CSMD3: variants seen among roughly 807,000 people sequenced by gnomAD.
CSMD3 encodes CUB and Sushi multiple domains 3.
In CSMD3, 177 loss-of-function variants were observed where a neutral mutation model predicts 435.2. The ratio of observed to expected loss-of-function variants is 0.41; its 90% CI spans 0.36 to 0.46. CSMD3 has a LOEUF of 0.46. Among genes scored for constraint, CSMD3 ranks in the 20% least tolerant of loss-of-function variants. The pLI, the probability that CSMD3 is intolerant of heterozygous loss-of-function variation, is 0.34. For missense variants in CSMD3, 4,265 were observed against 4,504.6 expected (o/e 0.95, Z 1.52); for synonymous variants, 1,656 against 1,520.5 (o/e 1.09, Z -2.07).
At chr8:113,272,714 A>G (rs930022908) in intron 3 of CSMD3, among the ~76,000 whole-genome samples, 11 of 152,194 alleles carry the variant, frequency 7.2e-5, no homozygotes, top group South Asian at 2.1e-4. Context: ...AACCTATTCA[A>G]TTACATCTAA....
At chr8:113,365,991 T>C (rs368960768) in intron 1 of CSMD3, among the ~76,000 whole-genome samples, 3 of 152,170 alleles carry the variant, frequency 2.0e-5, no homozygotes, top group East Asian at 3.9e-4. Context: ...TTAAAAATAT[T>C]TAGCCAAGAA....
rs900279749 is a variant in CSMD3 at position 113,037,975 on chromosome 8, T to C, written c.918-18796A>G. ...TCATGTATTTCCATTTGGAAAATAATGGAAACACCCGTGCAGAATGACAGC... is the reference window on the plus strand; with the variant it reads ...TCATGTATTTCCATTTGGAAAATAACGGAAACACCCGTGCAGAATGACAGC... On this transcript the variant is annotated intron_variant, in intron 5 of 70. Transcript: ENST00000297405. Among the ~76,000 whole-genome samples the C allele has an allele frequency of 3.9e-5, 6 of 152,106 alleles. No homozygotes were observed. The South Asian group carries it at 8.3e-4, about 21-fold the overall frequency.
At chr8:112,768,712 G>GACAAA (rs1054526945) in intron 13 of CSMD3, among the ~76,000 whole-genome samples, 37 of 151,778 alleles carry the variant, frequency 2.4e-4, no homozygotes, top group Admixed American at 5.9e-4. Context: ...TCATACAAAA[G>GACAAA]ACAAAACAAA....
intron 35 of CSMD3, among the ~76,000 whole-genome samples, chr8:112,405,246 T>TATATATACACAC (rs1199452249): frequency 3.7e-5 from 3 of 81,532 alleles, no homozygotes; most frequent in African/African-American, 1.6e-4. Context: ...TATATATATA[T>TATATATACACAC]ACATATATAT....
At chr8:112,456,118 A>G (rs1224542329) in intron 32 of CSMD3, among the ~76,000 whole-genome samples, 2 of 152,160 alleles carry the variant, frequency 1.3e-5, no homozygotes, top group African/African-American at 4.8e-5. Context: ...GAAGCCGGAA[A>G]AAAAATGTGG....
At chr8:112,325,487 C>T (rs1823413816) in intron 45 of CSMD3, among the ~76,000 whole-genome samples, 1 of 152,156 alleles carries the variant, frequency 6.6e-6, no homozygotes. Context: ...TATCTATTTT[C>T]TTATACTAGA....
chr8:113,074,443 A>C (rs1051770035), intron 5 of CSMD3, among the ~76,000 whole-genome samples: 1 of 151,926 alleles, frequency 6.6e-6, no homozygotes, highest in Non-Finnish European at 1.5e-5. Context: ...TGGGATGTAT[A>C]ACCTTAAGAC....
chr8:112,327,063 C>A (rs900599459), intron 45 of CSMD3, among the ~76,000 whole-genome samples: 1 of 151,944 alleles, frequency 6.6e-6, no homozygotes, highest in East Asian at 1.9e-4. Flanking sequence ...AATTGGATAT[C>A]CTTGTTTTAC....
chr8:113,098,827 T>C lies in CSMD3; in HGVS notation c.846A>G (p.Ile282Met). The stretch of plus-strand genomic sequence containing the variant: ...TCTCTTCCATTTGAAAATCAGTAAA[T>C]ATGAGTGAAATTGTGTCCCCAGGCT... ...VAEPGDTISL[I>M]FTDFQMEEKY... The change falls in exon 5 of 71, where the codon ATA (isoleucine) becomes ATG (methionine). Residue 282 changes from isoleucine to methionine, a missense_variant. This residue lies in a region of CSMD3 where 731 missense variants were observed against 755.4 expected (regional missense o/e 0.97). Transcript: ENST00000297405. The C allele has an allele frequency of 1.2e-6, 2 of 1,612,962 alleles. No homozygotes were observed. The highest frequency in any genetic ancestry group is 1.1e-5 in the South Asian group (1 of 91,050).
At chr8:112,626,101 A>C (rs777986130) in intron 22 of CSMD3, among the ~76,000 whole-genome samples, 1 of 152,174 alleles carries the variant, frequency 6.6e-6, no homozygotes, top group Non-Finnish European at 1.5e-5. Context: ...GTTTGAGGTA[A>C]AGACAAAATA....
intron 10 of CSMD3, among the ~76,000 whole-genome samples, chr8:112,876,563 G>T (rs200338800): frequency 6.6e-6 from 1 of 152,038 alleles, no homozygotes; most frequent in African/African-American, 2.4e-5. Context: ...ATCACATAAA[G>T]AGAACTAATG....
chr8:112,350,829 T>C (rs1478908812), intron 40 of CSMD3, among the ~76,000 whole-genome samples: 2 of 152,100 alleles, frequency 1.3e-5, no homozygotes, highest in African/African-American at 4.8e-5. Context: ...TCCCGCTCAA[T>C]AGTAAGCAAT....
At position 112,265,588 on chromosome 8, in the gene CSMD3, T is replaced by G; in HGVS notation, c.9511A>C (p.Ile3171Leu). 1.2e-6 allele frequency: 2 copies of G among 1,606,038 alleles called. No individual in the cohort carries two copies. Among genetic ancestry groups the G allele is most frequent in the Non-Finnish European group, 1.7e-6 (2 of 1,172,768 alleles). The change falls in exon 60 of 71, where the codon ATC becomes CTC. Residue 3171 changes from isoleucine to leucine, a missense_variant and splice_region_variant. Ile to Leu is a conservative substitution (Grantham distance 5). This residue lies in a region of CSMD3 where 3,255 missense variants were observed against 3,380.2 expected (regional missense o/e 0.96). Transcript: ENST00000297405. The part of the protein sequence containing the change: ...WSGTLPNCTI[I>L]SCGDPGIPAN... ...GGTATACCTGGGTCTCCACAACTGA[T>G]TACTGTCAGTATTGGATTAGAAGAG...
At chr8:112,384,656 T>C (rs193299485) in intron 36 of CSMD3, among the ~76,000 whole-genome samples, 85 of 152,366 alleles carry the variant, frequency 5.6e-4, no homozygotes, top group African/African-American at 1.8e-3. Context: ...ATCTGCAAAA[T>C]AGCCCATCAT....
chr8:113,223,702 T>C lies in CSMD3; in HGVS notation c.515-49786A>G, dbSNP rs2092995254. Among the ~76,000 whole-genome samples the C allele has an allele frequency of 2.7e-5, 4 of 149,842 alleles. No homozygotes were observed. The South Asian group carries it at 8.3e-4, about 31-fold the overall frequency. ...TATTCTTTCATTATTTCATCAAATA[T>C]ATATCAGGCACTTTTTAAGGCAAAA... is the stretch of plus-strand genomic sequence containing the variant. On this transcript the variant is annotated intron_variant, in intron 3 of 70. Transcript: ENST00000297405.
chr8:112,340,963 G>C (rs1825045368), intron 42 of CSMD3, among the ~76,000 whole-genome samples: 1 of 152,018 alleles, frequency 6.6e-6, no homozygotes, highest in African/African-American at 2.4e-5. Flanking sequence ...CTTGCTCAAG[G>C]TCATGCAGTA....
At chr8:113,416,790 G>A (rs940605565) in intron 1 of CSMD3, among the ~76,000 whole-genome samples, 2 of 151,956 alleles carry the variant, frequency 1.3e-5, no homozygotes, top group Non-Finnish European at 2.9e-5. Context: ...TACTTTTATG[G>A]CAAAAGAGTC....
chr8:112,987,058 C>T (rs1335813603), intron 6 of CSMD3, among the ~76,000 whole-genome samples: 1 of 151,954 alleles, frequency 6.6e-6, no homozygotes, highest in Non-Finnish European at 1.5e-5. Flanking sequence ...AATCTCTGAA[C>T]TCTGAAAAGG....
intron 4 of CSMD3, among the ~76,000 whole-genome samples, chr8:113,151,292 C>A (rs1401537631): frequency 6.6e-6 from 1 of 151,816 alleles, no homozygotes; most frequent in Non-Finnish European, 1.5e-5. Context: ...TGAATGTTAG[C>A]CTTCACATAT....
Sources: gnomAD v4.1 joint callset for allele counts (sites outside exome capture counted in the v4.1 genomes callset) on GRCh38, gnomAD v4.1.1 for gene constraint, gnomAD v4.1.1 regional missense constraint, MANE v1.5 for transcripts, NCBI Gene and HGNC (gene_info 2026-07-23, HGNC 2026-07-21) for gene names.